The following DNASE1 variants were observed in gnomAD, a reference collection of about 807,000 sequenced individuals.
DNASE1 encodes the protein deoxyribonuclease 1.
A neutral mutation model predicts 33.9 loss-of-function variants in DNASE1; 40 were observed. That is an observed-to-expected ratio of 1.18 (90% CI 0.92 to 1.54). The LOEUF is 1.54. Among genes scored for constraint, DNASE1 ranks in the 40% most tolerant of loss-of-function variants. The pLI is 0.00. For synonymous variants in DNASE1, 216 were observed against 160.0 expected, an observed-to-expected ratio of 1.35 and a Z score of -2.64; for missense variants, 518 against 372.6, an observed-to-expected ratio of 1.39 and a Z score of -3.21.
intron 1 of DNASE1, among the ~76,000 whole-genome samples, chr16:3,634,170 C>T (rs147133792): frequency 6.6e-6 from 1 of 151,954 alleles, no homozygotes; most frequent in Non-Finnish European, 1.5e-5. Context: ...TTGACCCAAT[C>T]ATTGAATACA....
At chr16:3,663,375 T>G (rs1225755297) in exon 10 of DNASE1, 1 of 1,610,922 alleles carries the variant, frequency 6.2e-7, no homozygotes, top group Non-Finnish European at 8.5e-7. Context: ...AGGAGAGGCG[T>G]GCGGGGAGTG....
At chr16:3,617,175 A>T (rs1396469452) in intron 1 of DNASE1, among the ~76,000 whole-genome samples, 1 of 151,548 alleles carries the variant, frequency 6.6e-6, no homozygotes, top group Non-Finnish European at 1.5e-5. Context: ...AAAAATACAA[A>T]ATTAGCAGGG....
downstream of DNASE1, chr16:3,658,628 G>A (rs997820366): frequency 5.7e-5 from 38 of 665,202 alleles, no homozygotes; most frequent in East Asian, 1.1e-4. Flanking sequence ...AGCCAAGATC[G>A]CGCCACTGCA....
intron 1 of DNASE1, among the ~76,000 whole-genome samples, chr16:3,643,339 G>C (rs551861697): frequency 6.6e-6 from 1 of 152,270 alleles, no homozygotes; most frequent in Non-Finnish European, 1.5e-5. Flanking sequence ...GAAAAGCAGA[G>C]TGGGATTTTT....
chr16:3,658,358 T>A, downstream of DNASE1: 1 of 725,564 alleles, frequency 1.4e-6, no homozygotes, highest in Non-Finnish European at 2.3e-6. Flanking sequence ...CACTGCAACC[T>A]CAGGTGATCC....
upstream of DNASE1, among the ~76,000 whole-genome samples, chr16:3,639,201 C>A (rs144399558): frequency 6.6e-6 from 1 of 152,226 alleles, no homozygotes; most frequent in African/African-American, 2.4e-5. Flanking sequence ...GAACATTTCT[C>A]CCTTGCCCCA....
intron 1 of DNASE1, among the ~76,000 whole-genome samples, chr16:3,631,642 A>G (rs2041704810): frequency 6.6e-6 from 1 of 152,164 alleles, no homozygotes. Flanking sequence ...GTCCTGCCTC[A>G]GCCCCCTAGT....
intron 1 of DNASE1, among the ~76,000 whole-genome samples, chr16:3,613,908 ATTTTTTTTTTTTTTT>A (rs200976238): frequency 8.8e-6 from 1 of 113,140 alleles, no homozygotes; most frequent in African/African-American, 3.7e-5. Flanking sequence ...CGCCTGGCTA[ATTTTTTTTTTTTTTT>A]TTTTTTTTGG....
intron 1 of DNASE1, among the ~76,000 whole-genome samples, chr16:3,616,005 T>A (rs1292187433): frequency 7.9e-5 from 12 of 152,254 alleles, no homozygotes; most frequent in Admixed American, 7.9e-4. Context: ...TCCTGAGTTC[T>A]TTGATCATGT....
At chr16:3,652,889 C>T (rs1367208882), upstream of DNASE1, 1 of 152,412 alleles carries the variant, frequency 6.6e-6, no homozygotes, top group African/African-American at 2.4e-5. Context: ...CCCGCCTGGA[C>T]TTCTGCCAAG....
chr16:3,631,902 T>G (rs948573685), intron 1 of DNASE1, among the ~76,000 whole-genome samples: 2 of 152,228 alleles, frequency 1.3e-5, no homozygotes, highest in African/African-American at 4.8e-5. Context: ...TTCTTTTTTC[T>G]TTTTGTAGTA....
At chr16:3,659,663 C>A (rs563273719), downstream of DNASE1, 1 of 152,106 alleles carries the variant, frequency 6.6e-6, no homozygotes, top group Non-Finnish European at 1.5e-5. Context: ...CAGAGGACAA[C>A]TGGAGTCGGG....
At chr16:3,634,307 G>A (rs1249437792) in intron 1 of DNASE1, among the ~76,000 whole-genome samples, 1 of 148,940 alleles carries the variant, frequency 6.7e-6, no homozygotes, top group African/African-American at 2.5e-5. Flanking sequence ...GGGCTCACTG[G>A]AAGCTCCACC....
downstream of DNASE1, chr16:3,662,981 G>A (rs1373022684): frequency 6.3e-7 from 1 of 1,594,138 alleles, no homozygotes; most frequent in Non-Finnish European, 8.5e-7. Flanking sequence ...CGGAAGAGCA[G>A]GCGACAGGGA....
intron 1 of DNASE1, among the ~76,000 whole-genome samples, chr16:3,626,580 C>CACTTGAAA (rs2041518744): frequency 6.6e-6 from 1 of 152,176 alleles, no homozygotes; most frequent in African/African-American, 2.4e-5. Context: ...CAAGCTTGAA[C>CACTTGAAA]ACTTGAAAAC....
chr16:3,663,701 C>T, exon 10 of DNASE1: 1 of 1,056,264 alleles, frequency 9.5e-7, no homozygotes, highest in Non-Finnish European at 1.3e-6. Flanking sequence ...GTTCCTAGGC[C>T]TGCATGACAG....
downstream of DNASE1, chr16:3,658,957 G>A (rs1207576439): frequency 1.5e-6 from 2 of 1,308,718 alleles, no homozygotes; most frequent in South Asian, 2.5e-5. Context: ...ATTTAAAGAA[G>A]CACAGTAAGA....
At chr16:3,632,966 G>C (rs1336737327) in intron 1 of DNASE1, among the ~76,000 whole-genome samples, 1 of 152,076 alleles carries the variant, frequency 6.6e-6, no homozygotes, top group Non-Finnish European at 1.5e-5. Context: ...TTTTTGCAAG[G>C]TGGATTTACT....
At chr16:3,659,023 T>C, downstream of DNASE1, 1 of 714,536 alleles carries the variant, frequency 1.4e-6, no homozygotes, top group Admixed American at 3.1e-5. Context: ...ATAATATCAT[T>C]ATATACCCAG....
Sources: allele counts gnomAD v4.1 joint callset (sites outside exome capture counted in the v4.1 genomes callset), GRCh38; gene constraint gnomAD v4.1.1; transcripts MANE v1.5; gene names NCBI Gene and HGNC (gene_info 2026-07-23, HGNC 2026-07-21).